The following BIN1 variants were observed in gnomAD, a reference collection of about 807,000 sequenced individuals.
BIN1 encodes the protein myc box-dependent-interacting protein 1.
BIN1 carries 53 observed loss-of-function variants against 82.0 expected under a neutral mutation model. The observed-to-expected ratio is 0.65, with a 90% CI of 0.52 to 0.81. The LOEUF is 0.81. Among genes scored for constraint, BIN1 ranks in the 40% least tolerant of loss-of-function variants. The pLI is 0.00. For missense variants in BIN1, 642 were observed against 784.4 expected (o/e 0.82, Z 2.17); for synonymous variants, 302 against 328.0 (o/e 0.92, Z 0.86).
At chr2:127,081,926 C>A in intron 1 of BIN1, 1 of 1,260,020 alleles carries the variant, frequency 7.9e-7, no homozygotes, top group South Asian at 1.3e-5. Context: ...AGCCTGCGGT[C>A]GGGGGCCACG....
chr2:127,084,295 C>T (rs576310510), intron 1 of BIN1, among the ~76,000 whole-genome samples: 43 of 152,354 alleles, frequency 2.8e-4, no homozygotes, highest in African/African-American at 9.9e-4. Flanking sequence ...CGGCATTCCA[C>T]AAACACGAGC....
chr2:127,092,851 G>A (rs1006825352), intron 1 of BIN1, among the ~76,000 whole-genome samples: 7 of 152,156 alleles, frequency 4.6e-5, no homozygotes, highest in South Asian at 2.1e-4. Flanking sequence ...CACAGCCCAC[G>A]CCTGCACCCC....
At chr2:127,094,981 G>T (rs926263424) in intron 1 of BIN1, among the ~76,000 whole-genome samples, 3 of 152,218 alleles carry the variant, frequency 2.0e-5, no homozygotes, top group Admixed American at 6.5e-5. Flanking sequence ...GGGTGGGCGG[G>T]TCAACTCGGG....
chr2:127,057,145 T>G lies in BIN1; in HGVS notation c.1131+328A>C, dbSNP rs1465528454. ...TCTCCCTGGCCCTGGAAGCCTTCCCTGACAGCCACACGTCCTCCACACTCC... is the reference window on the plus strand; with the variant it reads ...TCTCCCTGGCCCTGGAAGCCTTCCCGGACAGCCACACGTCCTCCACACTCC... On this transcript the variant is annotated intron_variant, in intron 12 of 18. Transcript: ENST00000316724. This position sits in a 1 kb window ranked among gnomAD's most constrained non-coding sequence, Gnocchi z 5.0. Among the ~76,000 whole-genome samples, 1 of 152,214 alleles carries G rather than the reference T, an allele frequency of 6.6e-6. No homozygotes were observed. The highest frequency in any genetic ancestry group is 1.5e-5 in the Non-Finnish European group (1 of 68,022).
In BIN1 at chr2:127,107,109, G is replaced by A; in HGVS notation, c.-166C>T. 1 of 712,970 alleles carries A rather than the reference G, an allele frequency of 1.4e-6. No homozygotes were observed. The highest frequency in any genetic ancestry group is 2.0e-6 in the Non-Finnish European group (1 of 503,460). The allele number at this position is 712,970 out of a possible 1,614,324, so 44.2% of individuals were successfully genotyped here. On this transcript the variant is annotated 5_prime_UTR_variant, in exon 1 of 19. Transcript: ENST00000316724. The surrounding 1 kb of genome is among the most constrained non-coding windows in gnomAD (Gnocchi z 5.9). ...ACGGAGGCGGAGCGTGCGCCGGACG[G>A]GCGAGCGAGCCAGCGAGCTAGCCAG...
chr2:127,081,277 G>T (rs377105369), intron 1 of BIN1, among the ~76,000 whole-genome samples: 1 of 152,180 alleles, frequency 6.6e-6, no homozygotes, highest in Non-Finnish European at 1.5e-5. Flanking sequence ...CACCAGGGCC[G>T]CCTCCTCAGA....
rs1212915569 is a variant in BIN1, at chr2:127,057,556, A to C, written c.1048T>G (p.Ser350Ala). The change falls in exon 12 of 19, where the codon TCC (serine) becomes GCC (alanine). Residue 350 changes from serine to alanine, a missense_variant. Ser to Ala is a moderately conservative substitution (Grantham distance 99). Transcript: ENST00000316724. The surrounding 1 kb of genome is among the most constrained non-coding windows in gnomAD (Gnocchi z 5.0). ...ATCTGCTCCTGCTTGACTTCCTTGG[A>C]CGGGGTGTGTTTGGGAGGCGGAGGG... ...PVPPPPKHTP[S>A]KEVKQEQILS... 1 of 1,543,022 alleles carries C rather than the reference A, an allele frequency of 6.5e-7. No homozygotes were observed. The highest frequency in any genetic ancestry group is 8.8e-7 in the Non-Finnish European group (1 of 1,141,162).
rs577657830 is a variant in BIN1 at position 127,078,264 on chromosome 2, G to A, written c.85-1558C>T. 8.1e-4 allele frequency among the ~76,000 whole-genome samples: 124 copies of A among 152,352 alleles called. 1 individual carries two copies. The highest frequency in any genetic ancestry group is 1.5e-3 in the Non-Finnish European group (100 of 68,038). On this transcript the variant is annotated intron_variant, in intron 1 of 18. Coordinates refer to ENST00000316724, the MANE Select transcript of BIN1 (RefSeq NM_139343.3). Reference sequence around the variant, plus strand: ...CTCACCAAGCACTTGCTCTGTGCCTGGCCTTGGGCACCTTGGCCGGTACAG... The same window carrying A: ...CTCACCAAGCACTTGCTCTGTGCCTAGCCTTGGGCACCTTGGCCGGTACAG...
intron 4 of BIN1, 22 bp from the exon 5 acceptor site, chr2:127,070,112 C>T (rs1437125022): frequency 2.5e-6 from 4 of 1,608,270 alleles, no homozygotes; most frequent in Non-Finnish European, 3.4e-6. Flanking sequence ...AAGAGCACGA[C>T]AGTGCCACCA....
rs2104937900 is a variant in BIN1 at position 127,057,651 on chromosome 2, A to G, written c.1003-50T>C. On this transcript the variant is annotated intron_variant, in intron 11 of 18. Transcript: ENST00000316724. The surrounding 1 kb of genome is among the most constrained non-coding windows in gnomAD (Gnocchi z 5.0). ...GCCGCGCGGGAAGGCACAGCAGAGC[A>G]CGGGGTTTGGGGGAGACAGACAGAG... 1 of 1,472,094 alleles carries G rather than the reference A, an allele frequency of 6.8e-7. No individual in the cohort carries two copies. Among genetic ancestry groups the G allele is most frequent in the Non-Finnish European group, 9.1e-7 (1 of 1,104,860 alleles). The allele number at this position is 1,472,094 out of a possible 1,614,324, so 91.2% of individuals were successfully genotyped here. A position where few individuals can be genotyped will look rare whatever the true frequency, so the allele number is the denominator to read the frequency against.
At chr2:127,060,738 G>A in intron 10 of BIN1, 1 of 1,484,040 alleles carries the variant, frequency 6.7e-7, no homozygotes, top group South Asian at 1.2e-5. Flanking sequence ...CTTCTGCTCA[G>A]AGGACAAAGG....
intron 1 of BIN1, among the ~76,000 whole-genome samples, chr2:127,089,869 A>C (rs1678686772): frequency 6.6e-6 from 1 of 152,074 alleles, no homozygotes; most frequent in Admixed American, 6.5e-5. Context: ...AAGGTGAAGT[A>C]TGATCATGTA....
intron 1 of BIN1, among the ~76,000 whole-genome samples, chr2:127,088,237 C>T (rs1678441989): frequency 6.6e-6 from 1 of 152,296 alleles, no homozygotes; most frequent in East Asian, 1.9e-4. Context: ...TCAGAGCCTC[C>T]CCTGCCAACG....
At chr2:127,071,116 G>A (rs937818308) in intron 2 of BIN1, among the ~76,000 whole-genome samples, 4 of 152,202 alleles carry the variant, frequency 2.6e-5, no homozygotes, top group East Asian at 1.9e-4. Context: ...TGGAGGTACG[G>A]CTGAATGACA....
intron 14 of BIN1, chr2:127,053,071 C>T (rs1683168397): frequency 2.5e-6 from 1 of 403,240 alleles, no homozygotes; most frequent in African/African-American, 2.0e-5. Context: ...CCCTGAGGCC[C>T]TCCTGCCCCA....
chr2:127,092,861 C>T lies in BIN1; in HGVS notation c.84+13999G>A, dbSNP rs184212408. ...GAAGCCACAGCCCACGCCTGCACCC[C>T]CTGTGCCCGAAAGGAAGAGGAGCTC... On this transcript the variant is annotated intron_variant, in intron 1 of 18. Coordinates refer to ENST00000316724, the MANE Select transcript of BIN1 (RefSeq NM_139343.3). 9.8e-5 allele frequency among the ~76,000 whole-genome samples: 15 copies of T among 152,294 alleles called. No homozygotes were observed. The East Asian group carries it at 2.7e-3, about 27-fold the overall frequency.
Position 127,049,680 on chromosome 2 carries a change from G to A in BIN1, c.1674+741C>T, listed in dbSNP as rs538333360. Among the ~76,000 whole-genome samples the A allele has an allele frequency of 1.2e-3, 182 of 152,164 alleles. 1 individual carries two copies. Among genetic ancestry groups the A allele is most frequent in the African/African-American group, 4.2e-3 (174 of 41,514 alleles). ...AGCCAGATGCCCACATGGCACCACC[G>A]ACCCCCCACAAGCAAAGCTGGCTCT... On this transcript the variant is annotated intron_variant, in intron 18 of 18. Transcript: ENST00000316724.
At chr2:127,061,905 G>A (rs967282642) in intron 10 of BIN1, among the ~76,000 whole-genome samples, 2 of 152,118 alleles carry the variant, frequency 1.3e-5, no homozygotes, top group East Asian at 1.9e-4. Context: ...CTCCTTCCTC[G>A]ACGAACACAG....
chr2:127,069,115 A>G (rs1274609623), intron 5 of BIN1, 84 bp from the exon 6 acceptor site: 5 of 1,326,804 alleles, frequency 3.8e-6, no homozygotes, highest in African/African-American at 1.4e-5. Flanking sequence ...AGGGACCCGC[A>G]GGGCGGGCAG....
Sources: allele counts gnomAD v4.1 joint callset (sites outside exome capture counted in the v4.1 genomes callset), GRCh38; gene constraint gnomAD v4.1.1; non-coding constraint Gnocchi (gnomAD v3.1); transcripts MANE v1.5; gene names NCBI Gene and HGNC (gene_info 2026-07-23, HGNC 2026-07-21).